PRKCE: variants seen among roughly 807,000 people sequenced by gnomAD.
PRKCE encodes the protein protein kinase C epsilon type.
A neutral mutation model predicts 85.4 loss-of-function variants in PRKCE; 16 were observed. The ratio of observed to expected loss-of-function variants is 0.19; its 90% CI spans 0.13 to 0.28. The LOEUF (loss-of-function observed/expected upper bound fraction) is 0.28, where lower values mean the gene tolerates loss of function less well. Ranked by LOEUF, PRKCE falls within the 10% of genes least tolerant of loss-of-function variation. The pLI is 1.00. For synonymous variants in PRKCE, 388 were observed against 371.5 expected, an observed-to-expected ratio of 1.04 and a Z score of -0.51; for missense variants, 573 against 975.2, an observed-to-expected ratio of 0.59 and a Z score of 5.49.
chr2:46,087,323 C>T (rs1250828741), intron 11 of PRKCE, among the ~76,000 whole-genome samples: 1 of 152,120 alleles, frequency 6.6e-6, no homozygotes, highest in Non-Finnish European at 1.5e-5. Flanking sequence ...TGGCATTGGA[C>T]AAGTCTCTGC....
rs116232026 is a variant in PRKCE at position 45,675,847 on chromosome 2, A to G, written c.348+23399A>G. ...TGACTTTGGTGAGAGGTGGCCTTCC[A>G]CCAGGAAGCCTCCAGCTGGCAGGAT... On this transcript the variant is annotated intron_variant, in intron 1 of 14. Coordinates refer to ENST00000306156, the MANE Select transcript of PRKCE (RefSeq NM_005400.3). 9.2e-3 allele frequency among the ~76,000 whole-genome samples: 1,406 copies of G among 152,198 alleles called. 19 individuals are homozygous for G. The highest frequency in any genetic ancestry group is 0.032 in the African/African-American group (1,326 of 41,548).
intron 1 of PRKCE, among the ~76,000 whole-genome samples, chr2:45,753,656 G>A (rs1683766813): frequency 6.6e-6 from 1 of 151,862 alleles, no homozygotes; most frequent in South Asian, 2.1e-4. Context: ...CCTTCCTGGA[G>A]CTTTAAAAAA....
chr2:46,048,766 A>G (rs533936182), intron 10 of PRKCE, among the ~76,000 whole-genome samples: 8 of 152,262 alleles, frequency 5.3e-5, no homozygotes, highest in African/African-American at 1.4e-4. Flanking sequence ...TTAAATGCAA[A>G]AGGACACCAG....
At chr2:46,003,215 A>G (rs535211704) in intron 7 of PRKCE, among the ~76,000 whole-genome samples, 1 of 152,332 alleles carries the variant, frequency 6.6e-6, no homozygotes, top group South Asian at 2.1e-4. Flanking sequence ...TTGCAGGAAT[A>G]TCAGACTTTC....
At chr2:45,767,273 C>CT (rs1684986290) in intron 1 of PRKCE, among the ~76,000 whole-genome samples, 1 of 151,028 alleles carries the variant, frequency 6.6e-6, no homozygotes, top group South Asian at 2.1e-4. Flanking sequence ...TTCTTTGAAA[C>CT]TTTTTAAAAA....
At chr2:45,936,220 C>G (rs1296748338) in intron 2 of PRKCE, among the ~76,000 whole-genome samples, 1 of 152,282 alleles carries the variant, frequency 6.6e-6, no homozygotes, top group East Asian at 1.9e-4. Context: ...CCCAAGCACC[C>G]CTTGGGGGTT....
chr2:45,692,547 C>T (rs955932582), intron 1 of PRKCE, among the ~76,000 whole-genome samples: 1 of 152,084 alleles, frequency 6.6e-6, no homozygotes, highest in Non-Finnish European at 1.5e-5. Flanking sequence ...TCATCAGTAC[C>T]GAGGGCTAGG....
chr2:45,898,944 G>C (rs1696360205), intron 2 of PRKCE, among the ~76,000 whole-genome samples: 1 of 152,218 alleles, frequency 6.6e-6, no homozygotes, highest in Admixed American at 6.5e-5. Flanking sequence ...CAAAAAGAAA[G>C]CAGCCCCCAA....
At chr2:45,931,802 G>A (rs1699065645) in intron 2 of PRKCE, among the ~76,000 whole-genome samples, 1 of 152,104 alleles carries the variant, frequency 6.6e-6, no homozygotes, top group African/African-American at 2.4e-5. Context: ...CGCCTCCCGG[G>A]TTGCAGCGAT....
chr2:45,952,803 G>A (rs755308525), intron 2 of PRKCE, among the ~76,000 whole-genome samples: 9 of 152,156 alleles, frequency 5.9e-5, no homozygotes, highest in Non-Finnish European at 1.3e-4. Flanking sequence ...CACTGAATGT[G>A]CTTTGTTTAG....
At chr2:45,843,667 T>C (rs1432991521) in intron 2 of PRKCE, among the ~76,000 whole-genome samples, 2 of 152,162 alleles carry the variant, frequency 1.3e-5, no homozygotes, top group Non-Finnish European at 2.9e-5. Flanking sequence ...CTTTGAAGGG[T>C]TTGCTGGGTG....
At chr2:46,029,034 C>T (rs1302771347) in intron 10 of PRKCE, among the ~76,000 whole-genome samples, 1 of 152,158 alleles carries the variant, frequency 6.6e-6, no homozygotes, top group Non-Finnish European at 1.5e-5. Flanking sequence ...TGTGTATATA[C>T]CACATTTTCT....
chr2:46,057,963 G>C (rs1351950271), intron 10 of PRKCE, among the ~76,000 whole-genome samples: 1 of 152,226 alleles, frequency 6.6e-6, no homozygotes, highest in East Asian at 1.9e-4. Context: ...AAAGCCACTT[G>C]CCGGCCACAA....
chr2:45,895,478 A>G lies in PRKCE; in HGVS notation c.412+52415A>G, dbSNP rs1415247746. 6.6e-6 allele frequency among the ~76,000 whole-genome samples: 1 copy of G among 152,250 alleles called. No individual in the cohort carries two copies. Among genetic ancestry groups the G allele is most frequent in the Non-Finnish European group, 1.5e-5 (1 of 68,042 alleles). ...GTGGGGATACATGGTACAGCCACCCAAGGCATGGCAGCCATGTGGTGATTT... is the reference window on the plus strand; with the variant it reads ...GTGGGGATACATGGTACAGCCACCCGAGGCATGGCAGCCATGTGGTGATTT... On this transcript the variant is annotated intron_variant, in intron 2 of 14. Transcript: ENST00000306156. This position sits in a 1 kb window ranked among gnomAD's most constrained non-coding sequence, Gnocchi z 4.8.
At chr2:45,712,137 C>CTTT (rs34233761) in intron 1 of PRKCE, among the ~76,000 whole-genome samples, 1,748 of 45,838 alleles carry the variant, frequency 0.038, 578 homozygotes, top group Non-Finnish European at 0.055. Flanking sequence ...ACGGCCTGTC[C>CTTT]TTTTTTTTTT....
intron 2 of PRKCE, among the ~76,000 whole-genome samples, chr2:45,878,063 G>T (rs1052864153): frequency 8.5e-5 from 13 of 152,228 alleles, no homozygotes; most frequent in African/African-American, 2.4e-4. Flanking sequence ...CAGGGAGATG[G>T]ATTTGAGACT....
chr2:45,812,605 A>T (rs1558699920), intron 1 of PRKCE, among the ~76,000 whole-genome samples: 1 of 152,234 alleles, frequency 6.6e-6, no homozygotes, highest in Non-Finnish European at 1.5e-5. Context: ...TGTGATGAGG[A>T]TTAAATTAGC....
In PRKCE at chr2:45,750,296, C is replaced by T. The variant is rs536634445; in HGVS notation, c.349-92704C>T. On this transcript the variant is annotated intron_variant, in intron 1 of 14. Coordinates refer to ENST00000306156, the MANE Select transcript of PRKCE (RefSeq NM_005400.3). ...CAGTCACTCTCTGTTCCTCCCTCCC[C>T]CAGCCCCTGGGAAAAATTATTCTGC... 1.8e-4 allele frequency among the ~76,000 whole-genome samples: 28 copies of T among 152,310 alleles called. 1 individual carries two copies. The South Asian group carries it at 5.6e-3, about 30-fold the overall frequency.
chr2:45,999,498 A>G (rs971513293), intron 6 of PRKCE, among the ~76,000 whole-genome samples: 1 of 151,242 alleles, frequency 6.6e-6, no homozygotes, highest in Non-Finnish European at 1.5e-5. Flanking sequence ...GACTTCTTTC[A>G]GCGTTTTTTA....
Sources: gnomAD v4.1 joint callset for allele counts (sites outside exome capture counted in the v4.1 genomes callset) on GRCh38, gnomAD v4.1.1 for gene constraint, Gnocchi (gnomAD v3.1) non-coding constraint, MANE v1.5 for transcripts, NCBI Gene and HGNC (gene_info 2026-07-23, HGNC 2026-07-21) for gene names.